NRIP1: variants seen among roughly 807,000 people sequenced by gnomAD.
NRIP1 encodes nuclear receptor-interacting protein 1.
A neutral mutation model predicts 75.0 loss-of-function variants in NRIP1; 28 were observed. The ratio of observed to expected loss-of-function variants is 0.37; its 90% confidence interval spans 0.28 to 0.51. The LOEUF (loss-of-function observed/expected upper bound fraction) is 0.51. NRIP1 is among the 20% of genes least tolerant of loss of function. The pLI is 0.92. For synonymous variants in NRIP1, 526 were observed against 487.6 expected, an observed-to-expected ratio of 1.08 and a Z score of -1.04; for missense variants, 1,435 against 1,343.7, an observed-to-expected ratio of 1.07 and a Z score of -1.06.
At chr21:15,011,128 T>G (rs1413714237) in intron 3 of NRIP1, among the ~76,000 whole-genome samples, 3 of 152,250 alleles carry the variant, frequency 2.0e-5, no homozygotes, top group African/African-American at 7.2e-5. Context: ...TTTATGAAGT[T>G]GGACAGGCAT....
At chr21:15,003,337 C>A (rs2087891322) in intron 3 of NRIP1, among the ~76,000 whole-genome samples, 1 of 152,084 alleles carries the variant, frequency 6.6e-6, no homozygotes, top group South Asian at 2.1e-4. Flanking sequence ...TAAACAACTG[C>A]TTTAACACTG....
intron 3 of NRIP1, among the ~76,000 whole-genome samples, chr21:15,012,105 C>A (rs1004342171): frequency 1.3e-5 from 2 of 152,146 alleles, no homozygotes; most frequent in African/African-American, 4.8e-5. Flanking sequence ...GTAAAAACCT[C>A]ATAAAACATT....
At chr21:15,040,668 T>C (rs774414931) in intron 2 of NRIP1, among the ~76,000 whole-genome samples, 3 of 152,080 alleles carry the variant, frequency 2.0e-5, no homozygotes, top group Non-Finnish European at 2.9e-5. Context: ...ATTTCAATCA[T>C]ACGATCATAA....
At chr21:15,019,789 T>C (rs1409093548) in intron 2 of NRIP1, among the ~76,000 whole-genome samples, 1 of 152,012 alleles carries the variant, frequency 6.6e-6, no homozygotes, top group African/African-American at 2.4e-5. Flanking sequence ...CACCTGGCCA[T>C]TAAATTTATT....
chr21:15,047,331 G>A (rs1028898773), intron 1 of NRIP1, among the ~76,000 whole-genome samples: 1 of 152,176 alleles, frequency 6.6e-6, no homozygotes, highest in Non-Finnish European at 1.5e-5. Flanking sequence ...CACGAGGTCA[G>A]GAGACAGAGA....
At chr21:15,018,022 A>G (rs1272802067) in intron 2 of NRIP1, among the ~76,000 whole-genome samples, 5 of 152,200 alleles carry the variant, frequency 3.3e-5, no homozygotes, top group Non-Finnish European at 7.4e-5. Flanking sequence ...TCCTATATTA[A>G]TAAGTGAGTA....
chr21:14,990,835 G>C (rs1283901577), intron 3 of NRIP1, among the ~76,000 whole-genome samples: 1 of 152,136 alleles, frequency 6.6e-6, no homozygotes, highest in East Asian at 1.9e-4. Context: ...TCATATGCCT[G>C]TATTTATAAT....
chr21:14,992,725 A>G (rs2087608441), intron 3 of NRIP1: 1 of 152,196 alleles, frequency 6.6e-6, no homozygotes, highest in African/African-American at 2.4e-5. Flanking sequence ...GTGCACTAAA[A>G]AAAAGTCCCT....
At chr21:15,038,587 T>A (rs2147300084) in intron 2 of NRIP1, among the ~76,000 whole-genome samples, 1 of 152,174 alleles carries the variant, frequency 6.6e-6, no homozygotes, top group South Asian at 2.1e-4. Flanking sequence ...ACCATAATAA[T>A]AAACCCTATT....
At chr21:15,031,874 TA>T (rs1183582936) in intron 2 of NRIP1, among the ~76,000 whole-genome samples, 1 of 151,122 alleles carries the variant, frequency 6.6e-6, no homozygotes, top group African/African-American at 2.4e-5. Flanking sequence ...TCTATGTGTA[TA>T]CACTCTGGAA....
chr21:14,986,365 TGATGCAA>T (rs2087402990), intron 3 of NRIP1, among the ~76,000 whole-genome samples: 2 of 152,258 alleles, frequency 1.3e-5, no homozygotes, highest in South Asian at 4.1e-4. Flanking sequence ...TCTTGAATAC[TGATGCAA>T]GACGACTCAC....
chr21:15,032,095 A>C (rs1315475421), intron 2 of NRIP1, among the ~76,000 whole-genome samples: 1 of 152,212 alleles, frequency 6.6e-6, no homozygotes, highest in Non-Finnish European at 1.5e-5. Context: ...AAGTAATCCT[A>C]AGTTCAAAGT....
intron 3 of NRIP1, chr21:14,974,104 A>G (rs945323289): frequency 1.3e-5 from 2 of 152,322 alleles, no homozygotes; most frequent in African/African-American, 4.8e-5. Flanking sequence ...AATAATTTAC[A>G]CAATAAGAAT....
chr21:15,004,400 C>A (rs2087917409), intron 3 of NRIP1, among the ~76,000 whole-genome samples: 1 of 152,232 alleles, frequency 6.6e-6, no homozygotes, highest in South Asian at 2.1e-4. Flanking sequence ...TGCTTCTATA[C>A]ATAATACACA....
Position 14,966,384 on chromosome 21 carries a change from T to C in NRIP1, c.1809A>G (p.Thr603=). The change falls in exon 4 of 4, where the codon ACA becomes ACG. Residue 603 remains threonine, a synonymous_variant. Coordinates refer to ENST00000318948, the MANE Select transcript of NRIP1 (RefSeq NM_003489.4). ...TCTCTCCTGGTGGGTCTTTGCTTTT[T>C]GTAAGGTCCATTGAGTGGTTAGATG... ...NTASNHSMDL[T]KSKDPPGEKP... is the part of the protein sequence containing the mutation. 1 of 1,614,092 alleles carries C rather than the reference T, an allele frequency of 6.2e-7. No individual in the cohort carries two copies. Among genetic ancestry groups the C allele is most frequent in the African/African-American group, 1.3e-5 (1 of 75,040 alleles).
chr21:14,970,326 G>A (rs890986952), intron 3 of NRIP1, among the ~76,000 whole-genome samples: 1 of 152,052 alleles, frequency 6.6e-6, no homozygotes, highest in African/African-American at 2.4e-5. Flanking sequence ...TGGGTGGATC[G>A]CCTGAGGTCA....
intron 2 of NRIP1, among the ~76,000 whole-genome samples, chr21:15,021,955 A>T (rs886867050): frequency 6.6e-6 from 1 of 152,228 alleles, no homozygotes; most frequent in Non-Finnish European, 1.5e-5. Flanking sequence ...AGTGTAAATT[A>T]GTTCAACCAT....
intron 2 of NRIP1, among the ~76,000 whole-genome samples, chr21:15,034,237 T>G (rs1403778976): frequency 1.3e-5 from 2 of 152,232 alleles, no homozygotes; most frequent in African/African-American, 4.8e-5. Context: ...CAGTAAGAAC[T>G]GGCACTGAGC....
chr21:14,967,021 T>G lies in NRIP1; in HGVS notation c.1172A>C (p.Lys391Thr). Residue 391 changes from lysine to threonine, a missense_variant, in exon 4 of 4, where the codon AAG becomes ACG. Transcript: ENST00000318948. ...ACTGTGACTGTGTCCATTCATTGGC[T>G]TAGGTATAGTCTGGCTTTTAAGAAG... Reference protein sequence around the residue: ...LHLLKSQTIPKPMNGHSHSER... With the variant: ...LHLLKSQTIPTPMNGHSHSER... 6.2e-7 allele frequency: 1 copy of G among 1,614,180 alleles called. No individual in the cohort carries two copies. The highest frequency in any genetic ancestry group is 8.5e-7 in the Non-Finnish European group (1 of 1,180,000).
Sources: allele counts gnomAD v4.1 joint callset (sites outside exome capture counted in the v4.1 genomes callset), GRCh38; gene constraint gnomAD v4.1.1; transcripts MANE v1.5; gene names NCBI Gene and HGNC (gene_info 2026-07-23, HGNC 2026-07-21).